Variants in PPARD observed in about 807,000 individuals in gnomAD.
PPARD encodes the protein peroxisome proliferator activated receptor delta, also known as peroxisome proliferator-activated receptor delta.
In PPARD, 6 loss-of-function variants were observed where a neutral mutation model predicts 39.5. The ratio of observed to expected loss-of-function variants is 0.15; its 90% CI spans 0.08 to 0.30. PPARD has a LOEUF of 0.30. PPARD is among the 10% of genes least tolerant of loss of function. The pLI, the probability that PPARD is intolerant of heterozygous loss-of-function variation, is 1.00. For missense variants in PPARD, 397 were observed against 596.8 expected, an observed-to-expected ratio of 0.67 and a Z score of 3.49; for synonymous variants, 210 against 231.3, an observed-to-expected ratio of 0.91 and a Z score of 0.83.
At chr6:35,410,919 C>G in intron 2 of PPARD, 68 bp from the exon 3 acceptor site, 8 of 1,252,004 alleles carry the variant, frequency 6.4e-6, no homozygotes, top group Non-Finnish European at 8.1e-6. Flanking sequence ...CCAAGCGTGC[C>G]CCACTCGCAC....
At chr6:35,399,124 C>T (rs1284722293) in intron 2 of PPARD, among the ~76,000 whole-genome samples, 1 of 151,738 alleles carries the variant, frequency 6.6e-6, no homozygotes, top group Non-Finnish European at 1.5e-5. Flanking sequence ...AAAAAAAGGC[C>T]GGGCGTAGTG....
At chr6:35,353,888 C>G (rs1250217991) in intron 2 of PPARD, among the ~76,000 whole-genome samples, 1 of 152,144 alleles carries the variant, frequency 6.6e-6, no homozygotes, top group East Asian at 1.9e-4. Flanking sequence ...CTCACCCTTT[C>G]TTTAATACAG....
intron 2 of PPARD, among the ~76,000 whole-genome samples, chr6:35,409,049 C>T (rs1765253078): frequency 6.6e-6 from 1 of 152,038 alleles, no homozygotes; most frequent in Admixed American, 6.6e-5. Flanking sequence ...TAGAGGTTTA[C>T]GTGACCTTTT....
intron 2 of PPARD, among the ~76,000 whole-genome samples, chr6:35,377,053 A>G (rs1038634449): frequency 6.6e-6 from 1 of 151,186 alleles, no homozygotes; most frequent in Non-Finnish European, 1.5e-5. Flanking sequence ...CCTCCCACCC[A>G]TACCTGACCC....
rs577606841 is a variant in PPARD, at chr6:35,401,910, C to G, written c.-101-9077C>G. 6.6e-6 allele frequency among the ~76,000 whole-genome samples: 1 copy of G among 152,090 alleles called. No individual in the cohort carries two copies. Among genetic ancestry groups the G allele is most frequent in the Non-Finnish European group, 1.5e-5 (1 of 68,008 alleles). On this transcript the variant is annotated intron_variant, in intron 2 of 7. Coordinates refer to ENST00000360694, the MANE Select transcript of PPARD (RefSeq NM_006238.5). The surrounding 1 kb of genome is among the most constrained non-coding windows in gnomAD (Gnocchi z 4.1). Reference sequence around the variant, plus strand: ...GTCTTAGCTGAGAAGGGCTCTGGCTCGGTCTCTGGTGAGTCTCTCTGCTGG... The same window carrying G: ...GTCTTAGCTGAGAAGGGCTCTGGCTGGGTCTCTGGTGAGTCTCTCTGCTGG...
intron 2 of PPARD, among the ~76,000 whole-genome samples, chr6:35,353,399 C>A (rs548909703): frequency 6.6e-6 from 1 of 152,290 alleles, no homozygotes; most frequent in Admixed American, 6.5e-5. Flanking sequence ...ACAGATTAAG[C>A]ACCCAGAGCC....
rs1451478724 is a variant in PPARD at position 35,428,153 on chromosome 6, T to G, written c.*2074T>G. The G allele has an allele frequency of 5.2e-5, 8 of 152,640 alleles. No homozygotes were observed. Among genetic ancestry groups the G allele is most frequent in the Admixed American group, 5.2e-4 (8 of 15,286 alleles). The allele number at this position is 152,640 out of a possible 1,614,324, so 9.5% of individuals were successfully genotyped here. ...TAGTGTACACAGACTGACGAAACTTTAAATAAATGGGAATTAAATATTTAA... is the reference window on the plus strand; with the variant it reads ...TAGTGTACACAGACTGACGAAACTTGAAATAAATGGGAATTAAATATTTAA... On this transcript the variant is annotated 3_prime_UTR_variant, in exon 8 of 8. Coordinates refer to ENST00000360694, the MANE Select transcript of PPARD (RefSeq NM_006238.5).
At chr6:35,348,027 C>T (rs532592178) in intron 2 of PPARD, among the ~76,000 whole-genome samples, 1 of 152,028 alleles carries the variant, frequency 6.6e-6, no homozygotes, top group African/African-American at 2.4e-5. Context: ...CCTACCTCAG[C>T]CTCCTGAGTA....
chr6:35,367,255 C>T (rs1762255264), intron 2 of PPARD, among the ~76,000 whole-genome samples: 1 of 152,110 alleles, frequency 6.6e-6, no homozygotes, highest in East Asian at 1.9e-4. Flanking sequence ...AGGGTCCTTC[C>T]CAATTATAGG....
intron 4 of PPARD, among the ~76,000 whole-genome samples, chr6:35,421,335 ATTTTGTTTTG>A (rs796875046): frequency 7.0e-6 from 1 of 142,300 alleles, no homozygotes; most frequent in Non-Finnish European, 1.5e-5. Flanking sequence ...GTTTTGTTTT[ATTTTGTTTTG>A]TTTTGTTTTG....
At chr6:35,370,781 A>G (rs919682389) in intron 2 of PPARD, among the ~76,000 whole-genome samples, 1 of 152,070 alleles carries the variant, frequency 6.6e-6, no homozygotes, top group Non-Finnish European at 1.5e-5. Flanking sequence ...TGCTTTTTAG[A>G]TAAATATGTG....
chr6:35,359,807 C>G (rs961466190), intron 2 of PPARD, among the ~76,000 whole-genome samples: 4 of 152,158 alleles, frequency 2.6e-5, no homozygotes, highest in Non-Finnish European at 4.4e-5. Flanking sequence ...CCATTGTACC[C>G]CTTTTAGAGA....
chr6:35,373,299 T>G (rs1251654417), intron 2 of PPARD, among the ~76,000 whole-genome samples: 1 of 152,198 alleles, frequency 6.6e-6, no homozygotes. Flanking sequence ...GATGATTAAA[T>G]GAAAGAATGC....
chr6:35,387,650 G>T (rs1763750374), intron 2 of PPARD, among the ~76,000 whole-genome samples: 1 of 139,226 alleles, frequency 7.2e-6, no homozygotes, highest in Non-Finnish European at 1.6e-5. Flanking sequence ...CACCTAGTTG[G>T]TTTTTTTTTT....
At chr6:35,396,533 T>TGAA (rs528715107) in intron 2 of PPARD, among the ~76,000 whole-genome samples, 2 of 110,006 alleles carry the variant, frequency 1.8e-5, no homozygotes, top group African/African-American at 6.8e-5. Flanking sequence ...TTGTTTTTAT[T>TGAA]AAAAAAAAAA....
intron 3 of PPARD, among the ~76,000 whole-genome samples, chr6:35,411,773 T>A (rs1231382832): frequency 6.6e-6 from 1 of 152,234 alleles, no homozygotes; most frequent in Non-Finnish European, 1.5e-5. Flanking sequence ...CCTGTCTCAC[T>A]TATTGGTTCC....
intron 2 of PPARD, among the ~76,000 whole-genome samples, chr6:35,394,544 G>A (rs1489910919): frequency 2.0e-5 from 3 of 152,132 alleles, no homozygotes; most frequent in Non-Finnish European, 2.9e-5. Flanking sequence ...GCCAAGGCAG[G>A]CAGATCACCT....
chr6:35,374,143 C>A (rs1486886616), intron 2 of PPARD, among the ~76,000 whole-genome samples: 1 of 152,078 alleles, frequency 6.6e-6, no homozygotes, highest in Non-Finnish European at 1.5e-5. Context: ...GGGTTTCCTG[C>A]CTCCAAAGAG....
intron 2 of PPARD, among the ~76,000 whole-genome samples, chr6:35,358,061 A>C (rs1028697333): frequency 1.3e-5 from 2 of 152,220 alleles, no homozygotes; most frequent in Non-Finnish European, 2.9e-5. Flanking sequence ...GACATAATGG[A>C]CTTTGCACAT....
Sources: gnomAD v4.1 joint callset for allele counts (sites outside exome capture counted in the v4.1 genomes callset) on GRCh38, gnomAD v4.1.1 for gene constraint, Gnocchi (gnomAD v3.1) non-coding constraint, MANE v1.5 for transcripts, NCBI Gene and HGNC (gene_info 2026-07-23, HGNC 2026-07-21) for gene names.